POLG2: variants seen among roughly 807,000 people sequenced by gnomAD.
POLG2 encodes the protein DNA polymerase subunit gamma-2.
POLG2 carries 50 observed loss-of-function variants against 56.5 expected under a neutral mutation model. That is an observed-to-expected ratio of 0.88 (90% confidence interval 0.71 to 1.12). The LOEUF is 1.12. Among genes scored for constraint, POLG2 ranks in the 50% most tolerant of loss-of-function variants. POLG2 has a pLI of 0.00. For synonymous variants in POLG2, 226 were observed against 222.6 expected, an observed-to-expected ratio of 1.02 and a Z score of -0.14; for missense variants, 584 against 583.3, an observed-to-expected ratio of 1.00 and a Z score of -0.01.
rs1274902398 is a variant in POLG2 at position 64,485,877 on chromosome 17, A to G, written c.970-9T>C. On this transcript the variant is annotated splice_polypyrimidine_tract_variant and intron_variant, in intron 4 of 7. Transcript: ENST00000539111. ...TTTCGTCCATCTCGGCCCTTCACAG[A>G]AAAACAGAAGAAAAATAATCATTTC... 1 of 1,613,796 alleles carries G rather than the reference A, an allele frequency of 6.2e-7. No homozygotes were observed. The highest frequency in any genetic ancestry group is 8.5e-7 in the Non-Finnish European group (1 of 1,179,670).
At chr17:64,486,885 TAAAC>T (rs1465916727) in intron 4 of POLG2, 3 of 152,238 alleles carry the variant, frequency 2.0e-5, no homozygotes, top group African/African-American at 4.8e-5. Context: ...TAAGTATTGA[TAAAC>T]AGACTTACTT....
chr17:64,484,927 T>C (rs902086726), intron 5 of POLG2, among the ~76,000 whole-genome samples: 2 of 152,156 alleles, frequency 1.3e-5, no homozygotes, highest in Admixed American at 1.3e-4. Flanking sequence ...AAAGGGTATA[T>C]GACTATTCCC....
Position 64,477,947 on chromosome 17 carries a change from T to G in POLG2, c.1334A>C (p.Glu445Ala), listed in dbSNP as rs1555665797. Reference sequence around the variant, plus strand: ...TATTAATCCATTCTCCAAAGTAGTTTCAGTAACCAAAACTGTGAAGAGAAT... The same window carrying G: ...TATTAATCCATTCTCCAAAGTAGTTGCAGTAACCAAAACTGTGAAGAGAAT... ...MSILFTVLVT[E>A]TTLENGLIHL... Residue 445 changes from glutamate (E) to alanine (A), a missense_variant, in exon 8 of 8, where the codon GAA (glutamate) becomes GCA (alanine). Physicochemically the swap from Glu to Ala is moderately radical, Grantham distance 107. Transcript: ENST00000539111. The G allele has an allele frequency of 6.2e-7, 1 of 1,614,028 alleles. No individual in the cohort carries two copies. Among genetic ancestry groups the G allele is most frequent in the South Asian group, 1.1e-5 (1 of 91,070 alleles).
At chr17:64,478,142 C>A (rs557881763) in intron 7 of POLG2, among the ~76,000 whole-genome samples, 154 bp from the exon 8 acceptor site, 2 of 152,142 alleles carry the variant, frequency 1.3e-5, no homozygotes, top group Non-Finnish European at 2.9e-5. Context: ...TTTAAAGTTT[C>A]TGAATTGTAT....
chr17:64,482,327 C>CTT lies in POLG2; in HGVS notation c.1191+590_1191+591dup, dbSNP rs60268133. On this transcript the variant is annotated intron_variant, in intron 6 of 7. Coordinates refer to ENST00000539111, the MANE Select transcript of POLG2 (RefSeq NM_007215.4). Reference sequence around the variant, plus strand: ...CCATATTGGCCAGGCAAATTAAAAACTTTTTTTTTTTTTTTTGAGACGGAG... The same window carrying CTT: ...CCATATTGGCCAGGCAAATTAAAAACTTTTTTTTTTTTTTTTTTGAGACGGAG... Among the ~76,000 whole-genome samples, 100 of 128,554 alleles carry CTT rather than the reference C, an allele frequency of 7.8e-4. 3 individuals carry two copies. The highest frequency in any genetic ancestry group is 2.1e-3 in the African/African-American group (71 of 34,284). 84.3% of individuals were successfully genotyped at this position (128,554 alleles called of 152,430 possible).
At chr17:64,489,570 G>A (rs966334992) in intron 4 of POLG2, among the ~76,000 whole-genome samples, 10 of 151,676 alleles carry the variant, frequency 6.6e-5, no homozygotes, top group Non-Finnish European at 1.3e-4. Flanking sequence ...AGACCAGCCC[G>A]GGCAACAAAG....
intron 7 of POLG2, among the ~76,000 whole-genome samples, chr17:64,479,471 C>T (rs1227393387): frequency 1.3e-5 from 2 of 152,040 alleles, no homozygotes; most frequent in Non-Finnish European, 1.5e-5. Context: ...AGGTGTGAGC[C>T]ACTGCGCCCA....
intron 6 of POLG2, among the ~76,000 whole-genome samples, chr17:64,481,650 A>G (rs2037857970): frequency 6.6e-6 from 1 of 152,152 alleles, no homozygotes; most frequent in South Asian, 2.1e-4. Flanking sequence ...AGGTGGGCGG[A>G]TCACTTGAGG....
At chr17:64,496,224 T>C (rs965510443) in intron 1 of POLG2, among the ~76,000 whole-genome samples, 183 bp downstream of exon 1, 10 of 152,156 alleles carry the variant, frequency 6.6e-5, no homozygotes, top group African/African-American at 1.7e-4. Flanking sequence ...ACAGCAATGA[T>C]TCCATGGACC....
intron 1 of POLG2, 144 bp downstream of exon 1, chr17:64,496,263 T>C (rs1555669464): frequency 1.9e-5 from 12 of 625,036 alleles, no homozygotes; most frequent in Admixed American, 5.6e-5. Context: ...GCACTGTTAA[T>C]ATATCCGACT....
Position 64,496,413 on chromosome 17 carries a change from G to A in POLG2, c.556C>T (p.Leu186Phe), listed in dbSNP as rs782371125. ...ATGAAATCGTGAAGCATACCGTGAA[G>A]AAGGTTCTCCCGTAGTTTCCCAGAA... ...KTSGKLRENL[L>F]HGALEHYVNC... The change falls in exon 1 of 8, where the codon CTT becomes TTT. Residue 186 changes from leucine (L) to phenylalanine (F), a missense_variant. Transcript: ENST00000539111. 1.9e-6 allele frequency: 3 copies of A among 1,571,686 alleles called. No individual in the cohort carries two copies. The highest frequency in any genetic ancestry group is 2.6e-6 in the Non-Finnish European group (3 of 1,150,240).
At position 64,492,925 on chromosome 17, in the gene POLG2, T is replaced by C; in HGVS notation, c.659A>G (p.Asp220Gly). 6.2e-7 allele frequency: 1 copy of C among 1,614,106 alleles called. No individual in the cohort carries two copies. Among genetic ancestry groups the C allele is most frequent in the East Asian group, 2.2e-5 (1 of 44,866 alleles). ...AACACCATTTCGTATCTGCTTAGTG[T>C]CAAAAACAGGATGAAAACACACTCC... Reference protein sequence around the residue: ...QIGVCFHPVFDTKQIRNGVKS... With the variant: ...QIGVCFHPVFGTKQIRNGVKS... The change falls in exon 2 of 8, where the codon GAC (aspartate) becomes GGC (glycine). Residue 220 changes from aspartate (D) to glycine (G), a missense_variant. Transcript: ENST00000539111.
intron 5 of POLG2, among the ~76,000 whole-genome samples, chr17:64,484,526 T>C (rs782526614): frequency 3.3e-5 from 5 of 152,122 alleles, no homozygotes; most frequent in African/African-American, 4.8e-5. Context: ...CAACACAACA[T>C]GCACCTTTTA....
At chr17:64,491,110 T>A (rs782511761) in intron 3 of POLG2, 141 bp from the exon 4 acceptor site, 18 of 708,130 alleles carry the variant, frequency 2.5e-5, no homozygotes, top group Non-Finnish European at 4.3e-5. Flanking sequence ...GAATACAAAT[T>A]TTAAAGTTTA....
intron 1 of POLG2, among the ~76,000 whole-genome samples, chr17:64,493,652 T>C (rs1211989914): frequency 1.3e-5 from 2 of 151,954 alleles, no homozygotes; most frequent in Non-Finnish European, 2.9e-5. Flanking sequence ...GCCCGGCTAA[T>C]TTTTTCTGTA....
At chr17:64,478,140 T>C in intron 7 of POLG2, 152 bp from the exon 8 acceptor site, 1 of 708,052 alleles carries the variant, frequency 1.4e-6, no homozygotes, top group Non-Finnish European at 2.4e-6. Flanking sequence ...TTTTTAAAGT[T>C]TCTGAATTGT....
intron 4 of POLG2, among the ~76,000 whole-genome samples, chr17:64,489,548 C>T (rs1346399712): frequency 2.0e-5 from 3 of 151,090 alleles, no homozygotes; most frequent in East Asian, 2.0e-4. Flanking sequence ...ATTGTTTCAT[C>T]CCAGGAGTTC....
intron 5 of POLG2, among the ~76,000 whole-genome samples, chr17:64,484,743 G>A (rs1456980531): frequency 6.6e-6 from 1 of 152,132 alleles, no homozygotes; most frequent in Non-Finnish European, 1.5e-5. Flanking sequence ...CCATTCCCCA[G>A]AATAATTCTA....
At chr17:64,495,701 C>T (rs919722160) in intron 1 of POLG2, among the ~76,000 whole-genome samples, 2 of 152,054 alleles carry the variant, frequency 1.3e-5, no homozygotes, top group Non-Finnish European at 2.9e-5. Context: ...AACAACTAAC[C>T]CAACTATTTG....
Sources: allele counts gnomAD v4.1 joint callset (sites outside exome capture counted in the v4.1 genomes callset), GRCh38; gene constraint gnomAD v4.1.1; transcripts MANE v1.5; gene names NCBI Gene and HGNC (gene_info 2026-07-23, HGNC 2026-07-21).